The following ANKRD36C variants were observed in gnomAD, a reference collection of about 807,000 sequenced individuals.
ANKRD36C encodes the protein ankyrin repeat domain 36C.
Under a neutral mutation model 276.4 loss-of-function variants are expected in ANKRD36C, and 61 were observed. The observed-to-expected ratio is 0.22, with a 90% CI of 0.18 to 0.27. The LOEUF (loss-of-function observed/expected upper bound fraction) is 0.27, where lower values mean the gene tolerates loss of function less well. Among genes scored for constraint, ANKRD36C ranks in the 10% least tolerant of loss-of-function variants. The pLI is 1.00. For synonymous variants in ANKRD36C, 483 were observed against 680.1 expected, an observed-to-expected ratio of 0.71 and a Z score of 4.51; for missense variants, 1,447 against 2,032.3, an observed-to-expected ratio of 0.71 and a Z score of 5.54.
At chr2:95,862,986 T>C (rs1052292529) in intron 60 of ANKRD36C, among the ~76,000 whole-genome samples, 8 of 151,762 alleles carry the variant, frequency 5.3e-5, no homozygotes, top group Non-Finnish European at 8.8e-5. Flanking sequence ...TTCTGTTGTT[T>C]GAACCAGTCT....
downstream of ANKRD36C, among the ~76,000 whole-genome samples, chr2:95,849,867 A>T (rs1675251705): frequency 6.6e-6 from 1 of 152,330 alleles, no homozygotes; most frequent in South Asian, 2.1e-4. Context: ...CTGGAAATAC[A>T]GATGAAGCTT....
At chr2:95,851,164 A>C, downstream of ANKRD36C, 3 of 1,563,060 alleles carry the variant, frequency 1.9e-6, no homozygotes, top group Non-Finnish European at 2.6e-6. Context: ...TTGGCAACAT[A>C]CCTTCATCTA....
chr2:95,984,804 T>A (rs1368231859), intron 3 of ANKRD36C, among the ~76,000 whole-genome samples: 2 of 152,196 alleles, frequency 1.3e-5, no homozygotes, highest in Non-Finnish European at 2.9e-5. Context: ...TCATTTTTTT[T>A]ATTTTAGGTA....
chr2:95,990,331 A>G (rs982734685), intron 1 of ANKRD36C, among the ~76,000 whole-genome samples: 6 of 152,262 alleles, frequency 3.9e-5, no homozygotes, highest in Admixed American at 2.6e-4. Context: ...AGGCAATTGC[A>G]GTTTTCGCCA....
chr2:95,912,920 T>G (rs532212086), intron 40 of ANKRD36C, among the ~76,000 whole-genome samples: 1 of 151,376 alleles, frequency 6.6e-6, no homozygotes, highest in Non-Finnish European at 1.5e-5. Flanking sequence ...TTCAGTTGAA[T>G]GTACACTTCA....
chr2:95,980,186 C>G (rs950006528), intron 5 of ANKRD36C, among the ~76,000 whole-genome samples: 5 of 152,060 alleles, frequency 3.3e-5, no homozygotes, highest in Admixed American at 6.6e-5. Flanking sequence ...CTTGTAGACA[C>G]TGATTGTCTT....
chr2:95,892,811 T>C (rs1160852122), intron 44 of ANKRD36C, among the ~76,000 whole-genome samples: 1 of 151,380 alleles, frequency 6.6e-6, no homozygotes, highest in African/African-American at 2.4e-5. Context: ...TGTATTCAGA[T>C]TCAACTTTGT....
In ANKRD36C at chr2:95,926,869, C is replaced by T. The variant is rs1402237585; in HGVS notation, c.1939+345G>A. 2.0e-5 allele frequency among the ~76,000 whole-genome samples: 3 copies of T among 151,588 alleles called. No individual in the cohort carries two copies. The East Asian group carries it at 5.8e-4, about 29-fold the overall frequency. On this transcript the variant is annotated intron_variant, in intron 28 of 66. Coordinates refer to ENST00000456556, the Ensembl canonical transcript of ANKRD36C. Reference sequence around the variant, plus strand: ...ATTTCTCCATCTGTTTTTAGCAATACGATGTGATGTCTGTAAAATCTATAC... The same window carrying T: ...ATTTCTCCATCTGTTTTTAGCAATATGATGTGATGTCTGTAAAATCTATAC...
chr2:95,914,376 T>C, intron 38 of ANKRD36C, 73 bp from the exon 41 acceptor site: 1 of 1,508,346 alleles, frequency 6.6e-7, no homozygotes, highest in South Asian at 1.2e-5. Context: ...CATGCAGTGT[T>C]AGCATCAACC....
chr2:95,850,897 C>G (rs2104230735), downstream of ANKRD36C, among the ~76,000 whole-genome samples: 1 of 152,146 alleles, frequency 6.6e-6, no homozygotes, highest in Non-Finnish European at 1.5e-5. Context: ...ATAGGGGTGG[C>G]AGAAGAAAAG....
In ANKRD36C at chr2:95,891,192, C is replaced by A. The variant is rs908076499; in HGVS notation, c.2857+473G>T. Among the ~76,000 whole-genome samples the A allele has an allele frequency of 2.0e-5, 3 of 150,704 alleles. No homozygotes were observed. The South Asian group carries it at 6.2e-4, about 31-fold the overall frequency. ...TATAAAAGAATTCCTCTTTTTCCAC[C>A]TTCCTGCCTCACAATCCGTCTTCCT... On this transcript the variant is annotated intron_variant, in intron 46 of 66. Transcript: ENST00000456556.
chr2:95,891,749 T>A lies in ANKRD36C; in HGVS notation c.2785-12A>T, dbSNP rs1430016190. On this transcript the variant is annotated splice_polypyrimidine_tract_variant and intron_variant, in intron 45 of 66. Coordinates refer to ENST00000456556, the Ensembl canonical transcript of ANKRD36C. ...TCGTCACTTGTAGCCTGAATGGAATTTGAAATGAAATAATAAATTAATAAA... is the reference window on the plus strand; with the variant it reads ...TCGTCACTTGTAGCCTGAATGGAATATGAAATGAAATAATAAATTAATAAA... 5.7e-6 allele frequency: 9 copies of A among 1,576,210 alleles called. No homozygotes were observed. The Admixed American group carries it at 9.1e-5, about 16-fold the overall frequency.
At chr2:95,986,803 G>A in exon 3 of ANKRD36C, 1 of 1,611,762 alleles carries the variant, frequency 6.2e-7, no homozygotes, top group Non-Finnish European at 8.5e-7. Context: ...TTCTATCATG[G>A]ATGTATCTTC....
chr2:95,937,625 T>A (rs1414504162), intron 22 of ANKRD36C, among the ~76,000 whole-genome samples: 2 of 152,306 alleles, frequency 1.3e-5, no homozygotes, highest in Admixed American at 6.5e-5. Context: ...TTCCTGGAGT[T>A]CAACATCTAT....
rs549993332 is a variant in ANKRD36C at position 95,980,568 on chromosome 2, C to A, written c.731+80G>T. 3.9e-5 allele frequency: 59 copies of A among 1,515,248 alleles called. 1 individual carries two copies. The East Asian group carries it at 5.2e-4, about 13-fold the overall frequency. The allele number at this position is 1,515,248 out of a possible 1,614,324, so 93.9% of individuals were successfully genotyped here. A position where few individuals can be genotyped will look rare whatever the true frequency, so the allele number is the denominator to read the frequency against. On this transcript the variant is annotated intron_variant, in intron 5 of 66. Coordinates refer to ENST00000456556, the Ensembl canonical transcript of ANKRD36C. ...ACTTGAATCAAACTATGCAATCTCA[C>A]CTGATATATAAGATGCAATTGCTAC...
intron 6 of ANKRD36C, among the ~76,000 whole-genome samples, chr2:95,975,378 T>C (rs1232412093): frequency 3.9e-5 from 6 of 152,146 alleles, no homozygotes; most frequent in African/African-American, 9.7e-5. Flanking sequence ...CTTCAAACTA[T>C]ACTACAAGGC....
intron 10 of ANKRD36C, 76 bp downstream of exon 10, chr2:95,960,396 CT>C: frequency 6.6e-7 from 1 of 1,512,752 alleles, no homozygotes; most frequent in South Asian, 1.2e-5. Flanking sequence ...AATGAGCCCC[CT>C]GCTGATTTAT....
intron 46 of ANKRD36C, 148 bp from the exon 67 acceptor site, chr2:95,890,142 A>T: frequency 3.6e-6 from 4 of 1,100,540 alleles, no homozygotes; most frequent in Admixed American, 2.1e-5. Context: ...GGACAAGAAC[A>T]TGACAGAAGT....
chr2:95,910,865 T>C (rs1274422312), intron 42 of ANKRD36C, among the ~76,000 whole-genome samples: 2 of 151,450 alleles, frequency 1.3e-5, no homozygotes, highest in Non-Finnish European at 3.0e-5. Context: ...AGAACAAATG[T>C]GATCTAAAAT....
Sources: allele counts gnomAD v4.1 joint callset (sites outside exome capture counted in the v4.1 genomes callset), GRCh38; gene constraint gnomAD v4.1.1; transcripts MANE v1.5; gene names NCBI Gene and HGNC (gene_info 2026-07-23, HGNC 2026-07-21).